The following CEP290 variants were observed in gnomAD, a reference collection of about 807,000 sequenced individuals.
The protein encoded by CEP290 is centrosomal protein 290.
In CEP290, 317 loss-of-function variants were observed where a neutral mutation model predicts 344.9. The ratio of observed to expected loss-of-function variants is 0.92; its 90% CI spans 0.84 to 1.01. CEP290 has a LOEUF of 1.01. CEP290 is among the 50% of genes least tolerant of loss of function. CEP290 has a pLI of 0.00. For missense variants in CEP290, 2,754 were observed against 2,761.4 expected (o/e 1.00, Z 0.06); for synonymous variants, 932 against 895.8 (o/e 1.04, Z -0.72).
intron 8 of CEP290, 54 bp from the exon 9 acceptor site, chr12:88,130,474 T>G: frequency 6.3e-7 from 1 of 1,597,068 alleles, no homozygotes; most frequent in African/African-American, 1.4e-5. Context: ...AATAACAAAA[T>G]CATATCCTCT....
In CEP290 at chr12:88,060,026, A is replaced by T; in HGVS notation, c.6523-6T>A. On this transcript the variant is annotated splice_region_variant and splice_polypyrimidine_tract_variant and intron_variant, in intron 47 of 53. Coordinates refer to ENST00000552810, the MANE Select transcript of CEP290 (RefSeq NM_025114.4). ...TTAAGTTTTTCTAATTCAGCCTAGT[A>T]AAAAAACAAACAAAATAAAAAGTAT... 1 of 1,528,568 alleles carries T rather than the reference A, an allele frequency of 6.5e-7. No homozygotes were observed. Among genetic ancestry groups the T allele is most frequent in the South Asian group, 1.3e-5 (1 of 78,056 alleles). The allele number at this position is 1,528,568 out of a possible 1,614,324, so 94.7% of individuals were successfully genotyped here.
intron 49 of CEP290, chr12:88,058,429 A>G: frequency 5.0e-6 from 1 of 198,338 alleles, no homozygotes; most frequent in Non-Finnish European, 1.0e-5. Flanking sequence ...TATGCCACAC[A>G]TTGTGACAAG....
intron 6 of CEP290, 132 bp downstream of exon 6, chr12:88,136,511 A>C: frequency 2.3e-6 from 2 of 867,930 alleles, no homozygotes; most frequent in Non-Finnish European, 3.6e-6. Flanking sequence ...ACAGTGATAT[A>C]AAACCTTAGA....
chr12:88,137,007 G>A (rs918718032), intron 5 of CEP290, among the ~76,000 whole-genome samples: 2 of 152,030 alleles, frequency 1.3e-5, no homozygotes. Context: ...GCCACCCAGA[G>A]ATGCAAAGAA....
chr12:88,056,861 T>C (rs1371493727), intron 49 of CEP290, among the ~76,000 whole-genome samples: 27 of 152,202 alleles, frequency 1.8e-4, no homozygotes, highest in Non-Finnish European at 2.9e-5. Flanking sequence ...AGATTTAAAC[T>C]TTAGTAACTT....
chr12:88,114,013 A>C (rs1015989065), intron 20 of CEP290, among the ~76,000 whole-genome samples: 1 of 152,060 alleles, frequency 6.6e-6, no homozygotes. Flanking sequence ...GTCATAGGGC[A>C]GGGTGCAATT....
chr12:88,101,142 A>G (rs2037842071), intron 26 of CEP290, among the ~76,000 whole-genome samples: 1 of 152,096 alleles, frequency 6.6e-6, no homozygotes, highest in Non-Finnish European at 1.5e-5. Flanking sequence ...GATAATAAAA[A>G]ATAAAACTAA....
intron 49 of CEP290, among the ~76,000 whole-genome samples, chr12:88,055,954 G>A (rs1021065275): frequency 6.6e-6 from 1 of 152,080 alleles, no homozygotes; most frequent in Non-Finnish European, 1.5e-5. Context: ...TCCAAGGATG[G>A]AGCCTGATTT....
intron 26 of CEP290, among the ~76,000 whole-genome samples, chr12:88,101,658 CAAAAA>C (rs11297432): frequency 9.0e-6 from 1 of 111,038 alleles, no homozygotes; most frequent in Non-Finnish European, 1.9e-5. Flanking sequence ...AACTCCATCT[CAAAAA>C]AAAAAAAAAA....
chr12:88,100,370 C>G (rs975811947), intron 26 of CEP290, among the ~76,000 whole-genome samples: 2 of 151,612 alleles, frequency 1.3e-5, no homozygotes, highest in Non-Finnish European at 2.9e-5. Flanking sequence ...TTTTCTTTTG[C>G]TTTATTACCC....
Position 88,115,109 on chromosome 12 carries a change from A to C in CEP290, c.1898T>G (p.Phe633Cys). 6.9e-7 allele frequency: 1 copy of C among 1,442,540 alleles called. No homozygotes were observed. The highest frequency in any genetic ancestry group is 9.5e-7 in the Non-Finnish European group (1 of 1,052,848). 89.4% of individuals were successfully genotyped at this position (1,442,540 alleles called of 1,614,324 possible). A position where few individuals can be genotyped will look rare whatever the true frequency, so the allele number is the denominator to read the frequency against. ...TAATTGTAACTTACATTTATTCTGAAATTTGGCTATCACTGTCCTACTCCT... is the reference window on the plus strand; with the variant it reads ...TAATTGTAACTTACATTTATTCTGACATTTGGCTATCACTGTCCTACTCCT... ...LERSRTVIAK[F>C]QNKLKELVEE... The change falls in exon 19 of 54, where the codon TTT becomes TGT. Residue 633 changes from phenylalanine (F) to cysteine (C), a missense_variant. Physicochemically the swap from Phe to Cys is radical, Grantham distance 205. Transcript: ENST00000552810.
chr12:88,087,974 T>A, intron 31 of CEP290, 30 bp from the exon 32 acceptor site: 2 of 891,188 alleles, frequency 2.2e-6, no homozygotes, highest in Non-Finnish European at 3.0e-6. Context: ...TACACAAATA[T>A]AAATGCTATA....
chr12:88,053,414 A>G (rs2033724841), intron 52 of CEP290, among the ~76,000 whole-genome samples: 1 of 152,130 alleles, frequency 6.6e-6, no homozygotes, highest in Admixed American at 6.6e-5. Flanking sequence ...TAACACCCAG[A>G]TGGAGAACAA....
At chr12:88,102,072 T>C (rs2037931887) in intron 26 of CEP290, among the ~76,000 whole-genome samples, 1 of 152,134 alleles carries the variant, frequency 6.6e-6, no homozygotes, top group Non-Finnish European at 1.5e-5. Flanking sequence ...TGTGAAAGGA[T>C]CTTAGATAAG....
chr12:88,097,672 T>A (rs1306996460), intron 26 of CEP290, among the ~76,000 whole-genome samples: 1 of 150,512 alleles, frequency 6.6e-6, no homozygotes, highest in African/African-American at 2.4e-5. Context: ...TTTAAAATAA[T>A]CATCCAAATC....
At chr12:88,138,335 G>T (rs2040454163) in intron 5 of CEP290, among the ~76,000 whole-genome samples, 2 of 152,120 alleles carry the variant, frequency 1.3e-5, no homozygotes, top group South Asian at 4.2e-4. Flanking sequence ...CACTAACACA[G>T]AACTGATCCA....
At chr12:88,108,982 C>T in intron 23 of CEP290, 84 bp downstream of exon 23, 1 of 523,166 alleles carries the variant, frequency 1.9e-6, no homozygotes, top group Non-Finnish European at 3.3e-6. Flanking sequence ...AAGGGAAGAA[C>T]AAAACATAAA....
chr12:88,062,183 A>T (rs1782272233), intron 46 of CEP290, among the ~76,000 whole-genome samples: 1 of 152,190 alleles, frequency 6.6e-6, no homozygotes, highest in Non-Finnish European at 1.5e-5. Context: ...TCCATTTATG[A>T]CACTCAGCAA....
rs1239876200 is a variant in CEP290 at position 88,053,781 on chromosome 12, G to C, written c.7035-35C>G. On this transcript the variant is annotated intron_variant, in intron 51 of 53. Coordinates refer to ENST00000552810, the MANE Select transcript of CEP290 (RefSeq NM_025114.4). ...AATGATAATGTGTTAAAAAAATAAA[G>C]CAGATATTGCTTCATAAAATATATG... The C allele has an allele frequency of 7.4e-6, 8 of 1,081,026 alleles. No individual in the cohort carries two copies. In the South Asian group the frequency reaches 7.6e-5, roughly 10 times the overall value. 67.0% of individuals were successfully genotyped at this position (1,081,026 alleles called of 1,614,324 possible). A position where few individuals can be genotyped will look rare whatever the true frequency, so the allele number is the denominator to read the frequency against.
Sources: allele counts gnomAD v4.1 joint callset (sites outside exome capture counted in the v4.1 genomes callset), GRCh38; gene constraint gnomAD v4.1.1; transcripts MANE v1.5; gene names NCBI Gene and HGNC (gene_info 2026-07-23, HGNC 2026-07-21).